EXOC4: variants seen among roughly 807,000 people sequenced by gnomAD.
The protein encoded by EXOC4 is SEC8-like 1.
EXOC4 carries 71 observed loss-of-function variants against 107.2 expected under a neutral mutation model. That is an observed-to-expected ratio of 0.66 (90% CI 0.55 to 0.81). The LOEUF is 0.81. EXOC4 is among the 30% of genes least tolerant of loss of function. EXOC4 has a pLI of 0.00. For missense variants in EXOC4, 1,108 were observed against 1,189.6 expected (o/e 0.93, Z 1.01); for synonymous variants, 456 against 441.2 (o/e 1.03, Z -0.42).
chr7:133,562,584 T>C (rs1800830268), intron 9 of EXOC4, among the ~76,000 whole-genome samples: 1 of 152,210 alleles, frequency 6.6e-6, no homozygotes, highest in African/African-American at 2.4e-5. Flanking sequence ...ACTAGAGCTG[T>C]TTTCACAAGT....
At chr7:133,947,596 C>A (rs1353705916) in intron 14 of EXOC4, among the ~76,000 whole-genome samples, 1 of 152,186 alleles carries the variant, frequency 6.6e-6, no homozygotes, top group Non-Finnish European at 1.5e-5. Context: ...CTCTGTCAAT[C>A]AGCTGGTCGT....
chr7:133,682,494 A>G (rs1794209178), intron 10 of EXOC4, among the ~76,000 whole-genome samples: 1 of 152,154 alleles, frequency 6.6e-6, no homozygotes, highest in Non-Finnish European at 1.5e-5. Context: ...CTCCCCAGCC[A>G]TGTGGAACTG....
chr7:133,906,872 G>T (rs1360777563), intron 12 of EXOC4, among the ~76,000 whole-genome samples: 1 of 152,220 alleles, frequency 6.6e-6, no homozygotes, highest in East Asian at 1.9e-4. Flanking sequence ...CTGAACACTA[G>T]TCACTGGGTT....
At chr7:134,019,606 C>T (rs971391970) in intron 17 of EXOC4, among the ~76,000 whole-genome samples, 1 of 152,158 alleles carries the variant, frequency 6.6e-6, no homozygotes, top group African/African-American at 2.4e-5. Context: ...AAAACTAAAG[C>T]TTAACGAAGT....
chr7:134,094,786 G>A, the EXOC4 span, among the ~76,000 whole-genome samples: 1 of 151,760 alleles, frequency 6.6e-6, no homozygotes, highest in Non-Finnish European at 1.5e-5. Context: ...ATCCAACATC[G>A]ATTCATAATA....
chr7:133,781,990 C>A (rs1022701654), intron 10 of EXOC4, among the ~76,000 whole-genome samples: 1 of 152,164 alleles, frequency 6.6e-6, no homozygotes, highest in African/African-American at 2.4e-5. Flanking sequence ...TTTTAATAAT[C>A]ATTTCTTTGT....
intron 14 of EXOC4, among the ~76,000 whole-genome samples, chr7:133,968,765 C>G (rs1159856029): frequency 2.0e-5 from 3 of 152,098 alleles, no homozygotes; most frequent in African/African-American, 7.2e-5. Context: ...TTTCTGGCTA[C>G]CCTTAACATT....
At chr7:133,915,664 A>T (rs1563055738) in intron 12 of EXOC4, among the ~76,000 whole-genome samples, 1 of 152,214 alleles carries the variant, frequency 6.6e-6, no homozygotes, top group Non-Finnish European at 1.5e-5. Flanking sequence ...ATGCTATAAG[A>T]TTGCACCTAG....
chr7:133,412,688 C>G (rs1797388893), intron 7 of EXOC4, among the ~76,000 whole-genome samples: 1 of 151,780 alleles, frequency 6.6e-6, no homozygotes, highest in East Asian at 1.9e-4. Flanking sequence ...AAGAACAGGA[C>G]CGGGTCATAA....
chr7:133,484,651 C>T (rs1206913796), intron 9 of EXOC4, among the ~76,000 whole-genome samples: 8 of 152,108 alleles, frequency 5.3e-5, no homozygotes, highest in Non-Finnish European at 1.0e-4. Context: ...AAAATTAGAA[C>T]TGTTTTCAGT....
intron 16 of EXOC4, 81 bp from the exon 17 acceptor site, chr7:134,007,595 C>T (rs1289914273): frequency 1.5e-6 from 2 of 1,348,130 alleles, no homozygotes; most frequent in African/African-American, 2.9e-5. Context: ...TAGAAGACAG[C>T]AATTCTGTGT....
At chr7:133,359,709 T>C (rs1796097407) in intron 6 of EXOC4, among the ~76,000 whole-genome samples, 2 of 152,172 alleles carry the variant, frequency 1.3e-5, no homozygotes, top group African/African-American at 4.8e-5. Flanking sequence ...TCATTTGTCT[T>C]TATATAAAGA....
intron 11 of EXOC4, among the ~76,000 whole-genome samples, chr7:133,823,848 TA>T (rs1402739080): frequency 0.017 from 43 of 2,474 alleles, 1 homozygote; most frequent in African/African-American, 0.11. Flanking sequence ...ATATATTATA[TA>T]TATATATATA....
chr7:134,083,688 T>C, the EXOC4 span, among the ~76,000 whole-genome samples: 5 of 152,158 alleles, frequency 3.3e-5, no homozygotes, highest in Admixed American at 2.0e-4. Context: ...CTCAGGGCTC[T>C]AAAAAAAACC....
chr7:134,075,068 A>G, the EXOC4 span, among the ~76,000 whole-genome samples: 2 of 152,252 alleles, frequency 1.3e-5, no homozygotes, highest in Admixed American at 6.5e-5. Flanking sequence ...GGATCAGCAC[A>G]GTGCAGTCAT....
At chr7:133,838,968 G>A (rs1412380649) in intron 11 of EXOC4, among the ~76,000 whole-genome samples, 2 of 152,202 alleles carry the variant, frequency 1.3e-5, no homozygotes, top group African/African-American at 4.8e-5. Flanking sequence ...TATTTTTAAT[G>A]TAAAGGTTGT....
chr7:133,660,052 C>T (rs1448611022), intron 10 of EXOC4, among the ~76,000 whole-genome samples: 1 of 152,216 alleles, frequency 6.6e-6, no homozygotes, highest in Non-Finnish European at 1.5e-5. Flanking sequence ...CATGGAGTTA[C>T]CAATACCCTT....
At chr7:133,505,669 C>A (rs1799653400) in intron 9 of EXOC4, among the ~76,000 whole-genome samples, 1 of 152,084 alleles carries the variant, frequency 6.6e-6, no homozygotes, top group Non-Finnish European at 1.5e-5. Context: ...TAAGAATTTA[C>A]TACTATTTTA....
At chr7:133,684,877 G>T (rs952181953) in intron 10 of EXOC4, among the ~76,000 whole-genome samples, 1 of 152,152 alleles carries the variant, frequency 6.6e-6, no homozygotes, top group Admixed American at 6.6e-5. Flanking sequence ...TACAAGAGGG[G>T]ATGGAGAATT....
Sources: allele counts gnomAD v4.1 joint callset (sites outside exome capture counted in the v4.1 genomes callset), GRCh38; gene constraint gnomAD v4.1.1; transcripts MANE v1.5; gene names NCBI Gene and HGNC (gene_info 2026-07-23, HGNC 2026-07-21).